DLGAP2: variants seen among roughly 807,000 people sequenced by gnomAD.
The protein encoded by DLGAP2 is DLG associated protein 2.
In DLGAP2, 26 loss-of-function variants were observed where a neutral mutation model predicts 100.3. The observed-to-expected ratio is 0.26, with a 90% CI of 0.19 to 0.36. The LOEUF is 0.36. Ranked by LOEUF, DLGAP2 falls within the 10% of genes least tolerant of loss-of-function variation. DLGAP2 has a pLI of 1.00. For synonymous variants in DLGAP2, 886 were observed against 630.1 expected, an observed-to-expected ratio of 1.41 and a Z score of -6.08; for missense variants, 1,858 against 1,453.2, an observed-to-expected ratio of 1.28 and a Z score of -4.53.
intron 1 of DLGAP2, among the ~76,000 whole-genome samples, chr8:835,857 G>C (rs905702617): frequency 6.6e-6 from 1 of 152,146 alleles, no homozygotes; most frequent in Non-Finnish European, 1.5e-5. Context: ...GTGGGTCCAG[G>C]CTCACCGTCG....
At chr8:1,676,686 G>A in intron 11 of DLGAP2, 68 bp downstream of exon 11, 4 of 1,486,504 alleles carry the variant, frequency 2.7e-6, no homozygotes, top group Non-Finnish European at 3.7e-6. Flanking sequence ...CCTGATGGAA[G>A]CTCCTAGATC....
chr8:1,165,981 G>C (rs1481590660), intron 2 of DLGAP2, among the ~76,000 whole-genome samples: 1 of 152,114 alleles, frequency 6.6e-6, no homozygotes, highest in Non-Finnish European at 1.5e-5. Flanking sequence ...TTTTCTTCCA[G>C]TAATATTTGG....
intron 13 of DLGAP2, among the ~76,000 whole-genome samples, chr8:1,692,601 A>G (rs916628627): frequency 3.3e-5 from 5 of 152,160 alleles, no homozygotes; most frequent in African/African-American, 1.2e-4. Flanking sequence ...AGAAGAGGAG[A>G]AACAAGGGAA....
intron 2 of DLGAP2, among the ~76,000 whole-genome samples, chr8:1,226,008 A>T (rs1411673922): frequency 6.6e-6 from 1 of 152,018 alleles, no homozygotes; most frequent in Non-Finnish European, 1.5e-5. Context: ...TTCATTTCTC[A>T]TAGGTATATA....
At chr8:1,443,773 T>A (rs893560174) in intron 3 of DLGAP2, among the ~76,000 whole-genome samples, 1 of 152,068 alleles carries the variant, frequency 6.6e-6, no homozygotes, top group Non-Finnish European at 1.5e-5. Flanking sequence ...GATTCAATTA[T>A]CTCCACCTGG....
intron 3 of DLGAP2, among the ~76,000 whole-genome samples, chr8:1,392,623 T>C (rs1708155928): frequency 6.6e-6 from 1 of 152,210 alleles, no homozygotes; most frequent in South Asian, 2.1e-4. Flanking sequence ...TGACCCTACA[T>C]GGTGTGGAAA....
At position 1,003,612 on chromosome 8, in the gene DLGAP2, G is replaced by A. The variant is rs147951355; in HGVS notation, c.73+95646G>A. The stretch of plus-strand genomic sequence containing the variant: ...CAAGGTTGCCCAGGCTCAGCTGGGC[G>A]GCTCTTCTGCTCTGTGATGTGAGCT... On this transcript the variant is annotated intron_variant, in intron 2 of 14. Coordinates refer to ENST00000637795, the MANE Select transcript of DLGAP2 (RefSeq NM_001346810.2). 2.8e-3 allele frequency among the ~76,000 whole-genome samples: 427 copies of A among 152,294 alleles called. 3 individuals are homozygous for A. Among genetic ancestry groups the A allele is most frequent in the African/African-American group, 9.2e-3 (384 of 41,556 alleles).
rs188987361 is a variant in DLGAP2 at position 1,446,681 on chromosome 8, G to A, written c.107-54685G>A. The stretch of plus-strand genomic sequence containing the variant: ...GCATTGAATGTATAAATTACCTTGG[G>A]CAGTATGGCCATTTTCACAATATTG... On this transcript the variant is annotated intron_variant, in intron 3 of 14. Coordinates refer to ENST00000637795, the MANE Select transcript of DLGAP2 (RefSeq NM_001346810.2). Among the ~76,000 whole-genome samples the A allele has an allele frequency of 7.4e-3, 1,125 of 152,278 alleles. 14 individuals carry two copies. Among genetic ancestry groups the A allele is most frequent in the African/African-American group, 0.025 (1,039 of 41,534 alleles).
At chr8:1,068,032 C>T (rs1039139705) in intron 2 of DLGAP2, among the ~76,000 whole-genome samples, 3 of 152,196 alleles carry the variant, frequency 2.0e-5, no homozygotes, top group Non-Finnish European at 4.4e-5. Flanking sequence ...TTTTCCAGAA[C>T]ATCATTTATT....
At chr8:972,805 G>A (rs1246164651) in intron 2 of DLGAP2, among the ~76,000 whole-genome samples, 3 of 152,178 alleles carry the variant, frequency 2.0e-5, no homozygotes, top group Non-Finnish European at 2.9e-5. Context: ...CTTGAGATTA[G>A]GGAGTGGTGA....
At chr8:1,566,202 C>T (rs984579942) in intron 6 of DLGAP2, among the ~76,000 whole-genome samples, 3 of 152,158 alleles carry the variant, frequency 2.0e-5, no homozygotes, top group African/African-American at 7.2e-5. Flanking sequence ...GCACATGTCT[C>T]TGTTTGTATG....
intron 2 of DLGAP2, among the ~76,000 whole-genome samples, chr8:1,242,806 GGATGGATGGACA>G (rs1798826703): frequency 6.6e-6 from 1 of 151,886 alleles, no homozygotes; most frequent in African/African-American, 2.4e-5. Flanking sequence ...ATGGATGGAC[GGATGGATGGACA>G]GATGGACCGA....
At chr8:1,056,659 C>T (rs752177332) in intron 2 of DLGAP2, among the ~76,000 whole-genome samples, 3 of 152,238 alleles carry the variant, frequency 2.0e-5, no homozygotes, top group Non-Finnish European at 4.4e-5. Flanking sequence ...TACAGGGATG[C>T]GTTAGCACTG....
chr8:1,434,306 G>C (rs765341900), intron 3 of DLGAP2, among the ~76,000 whole-genome samples: 10 of 152,110 alleles, frequency 6.6e-5, no homozygotes, highest in African/African-American at 2.4e-4. Context: ...AGTGACCCAG[G>C]AGGCTGACAG....
chr8:1,305,072 C>T (rs1800456870), intron 3 of DLGAP2, among the ~76,000 whole-genome samples: 1 of 152,178 alleles, frequency 6.6e-6, no homozygotes. Context: ...GAGGTGACCC[C>T]AGGAATCTCT....
chr8:888,419 G>C (rs4735951), intron 1 of DLGAP2, among the ~76,000 whole-genome samples: 97,220 of 151,904 alleles, frequency 0.64, 31,268 homozygotes, highest in Admixed American at 0.73. Flanking sequence ...AGTTCTGCAC[G>C]CTGACTTGTG....
chr8:1,039,154 A>ATGCGTGGTCAGCTTGGTG, intron 2 of DLGAP2, among the ~76,000 whole-genome samples: 1 of 148,912 alleles, frequency 6.7e-6, no homozygotes, highest in East Asian at 2.0e-4. Flanking sequence ...CCATGTGGAA[A>ATGCGTGGTCAGCTTGGTG]TGCGTGGTCA....
Position 1,051,341 on chromosome 8 carries a change from T to G in DLGAP2, c.73+143375T>G, listed in dbSNP as rs561006082. On this transcript the variant is annotated intron_variant, in intron 2 of 14. Coordinates refer to ENST00000637795, the MANE Select transcript of DLGAP2 (RefSeq NM_001346810.2). ...CGGGCTGTGTTGTCTCAGATCCAGC[T>G]GCATCTTCTCTCCATACAAGATCGT... Among the ~76,000 whole-genome samples, 8 of 152,266 alleles carry G rather than the reference T, an allele frequency of 5.3e-5. No homozygotes were observed. In the South Asian group the frequency reaches 1.7e-3, roughly 32 times the overall value.
intron 1 of DLGAP2, among the ~76,000 whole-genome samples, chr8:791,639 A>C (rs968429943): frequency 6.6e-6 from 1 of 152,234 alleles, no homozygotes; most frequent in Non-Finnish European, 1.5e-5. Flanking sequence ...TTTTTGATGT[A>C]ATATGCCAAA....
Sources: gnomAD v4.1 joint callset for allele counts (sites outside exome capture counted in the v4.1 genomes callset) on GRCh38, gnomAD v4.1.1 for gene constraint, MANE v1.5 for transcripts, NCBI Gene and HGNC (gene_info 2026-07-23, HGNC 2026-07-21) for gene names.